Variants in AFF3 observed in about 807,000 individuals in gnomAD.
The protein encoded by AFF3 is AF4/FMR2 family member 3.
Under a neutral mutation model 129.7 loss-of-function variants are expected in AFF3, and 32 were observed. The ratio of observed to expected loss-of-function variants is 0.25; its 90% CI spans 0.19 to 0.33. The LOEUF is 0.33. Ranked by LOEUF, AFF3 falls within the 10% of genes least tolerant of loss-of-function variation. The probability of loss-of-function intolerance (pLI) is 1.00; values close to 1 mark genes in which losing one functional copy is unlikely to be tolerated. For missense variants in AFF3, 1,373 were observed against 1,592.0 expected, an observed-to-expected ratio of 0.86 and a Z score of 2.34; for synonymous variants, 644 against 635.4, an observed-to-expected ratio of 1.01 and a Z score of -0.20.
chr2:99,994,378 A>T (rs1680646600), intron 7 of AFF3, among the ~76,000 whole-genome samples: 2 of 152,162 alleles, frequency 1.3e-5, no homozygotes, highest in South Asian at 4.1e-4. Context: ...AAAAAGTGAG[A>T]CACTGTCATC....
At chr2:100,075,771 CA>C (rs2105326646) in intron 4 of AFF3, among the ~76,000 whole-genome samples, 1 of 152,268 alleles carries the variant, frequency 6.6e-6, no homozygotes, top group African/African-American at 2.4e-5. Context: ...CAAGTGATGG[CA>C]AACACAGAAT....
chr2:99,667,376 G>A (rs1402157214), intron 12 of AFF3, among the ~76,000 whole-genome samples: 1 of 152,192 alleles, frequency 6.6e-6, no homozygotes, highest in Non-Finnish European at 1.5e-5. Context: ...ATTGCTGAGA[G>A]TCAAATGTAT....
intron 4 of AFF3, among the ~76,000 whole-genome samples, chr2:100,078,178 A>G (rs1383683493): frequency 2.0e-5 from 3 of 152,234 alleles, no homozygotes; most frequent in Admixed American, 6.5e-5. Flanking sequence ...TTCATATGAC[A>G]ACATCCGTTC....
At chr2:100,083,346 C>A (rs558112475) in intron 4 of AFF3, among the ~76,000 whole-genome samples, 4 of 152,216 alleles carry the variant, frequency 2.6e-5, no homozygotes, top group South Asian at 2.1e-4. Flanking sequence ...CCCTACAGGC[C>A]CTGAGGTTTT....
intron 7 of AFF3, among the ~76,000 whole-genome samples, chr2:99,975,187 A>T (rs1012508801): frequency 6.6e-6 from 1 of 152,228 alleles, no homozygotes; most frequent in African/African-American, 2.4e-5. Flanking sequence ...CTTGACAGCC[A>T]TTGGGCAAGT....
rs147222669 is a variant in AFF3 at position 99,793,918 on chromosome 2, A to G, written c.922-41617T>C. ...TTTTCTGTTATGAACATTTAAAGCT[A>G]TAAGATTTCCTTGAAGAACTGCTCT... On this transcript the variant is annotated intron_variant, in intron 8 of 24. Coordinates refer to ENST00000672756, the MANE Select transcript of AFF3 (RefSeq NM_001386135.1). Among the ~76,000 whole-genome samples, 475 of 152,348 alleles carry G rather than the reference A, an allele frequency of 3.1e-3. 1 individual carries two copies. Among genetic ancestry groups the G allele is most frequent in the Non-Finnish European group, 5.6e-3 (383 of 68,024 alleles).
At chr2:100,072,413 C>T (rs1441771044) in intron 4 of AFF3, among the ~76,000 whole-genome samples, 1 of 152,178 alleles carries the variant, frequency 6.6e-6, no homozygotes, top group African/African-American at 2.4e-5. Flanking sequence ...CTGTCTTCCA[C>T]GAAACCGGTC....
intron 4 of AFF3, among the ~76,000 whole-genome samples, chr2:100,078,944 CTTTT>C (rs35031023): frequency 1.5e-5 from 2 of 131,204 alleles, no homozygotes; most frequent in Admixed American, 7.7e-5. Context: ...TGAATATTTT[CTTTT>C]TTTTTTTTTT....
intron 11 of AFF3, among the ~76,000 whole-genome samples, chr2:99,675,774 T>C (rs1307558081): frequency 6.6e-6 from 1 of 152,146 alleles, no homozygotes; most frequent in Non-Finnish European, 1.5e-5. Flanking sequence ...ATGGCCGCCT[T>C]CACCAAACAC....
chr2:99,795,074 A>C (rs1397959141), intron 8 of AFF3, among the ~76,000 whole-genome samples: 1 of 152,190 alleles, frequency 6.6e-6, no homozygotes, highest in Non-Finnish European at 1.5e-5. Context: ...CTAAAATGCT[A>C]ACCAGAAGAA....
At chr2:100,106,559 GGGGTGGA>G in intron 2 of AFF3, 1 of 995,644 alleles carries the variant, frequency 1.0e-6, no homozygotes. Flanking sequence ...ACAAAGGCTG[GGGGTGGA>G]GGGTGGAGGA....
chr2:99,554,378 G>T lies in AFF3; in HGVS notation c.3492C>A (p.Ile1164=). ...CGTAGCTGTGCAGGATGCTGTTGGT[G>T]ATGCTGACGTGGTTGGCCGCCATCT... The part of the protein sequence containing the change: ...IHQMAANHVS[I]TNSILHSYDY... The change falls in exon 24 of 25, where the codon ATC becomes ATA. Residue 1164 remains isoleucine (I), a synonymous_variant. Transcript: ENST00000672756. 1 of 1,614,214 alleles carries T rather than the reference G, an allele frequency of 6.2e-7. No individual in the cohort carries two copies. Among genetic ancestry groups the T allele is most frequent in the Non-Finnish European group, 8.5e-7 (1 of 1,180,052 alleles).
intron 12 of AFF3, among the ~76,000 whole-genome samples, chr2:99,651,989 T>G (rs1035738992): frequency 6.6e-6 from 1 of 152,034 alleles, no homozygotes; most frequent in African/African-American, 2.4e-5. Flanking sequence ...TCGGTACACT[T>G]TTAGAATAAC....
At chr2:100,102,222 C>A (rs1041730175) in intron 4 of AFF3, among the ~76,000 whole-genome samples, 2 of 149,842 alleles carry the variant, frequency 1.3e-5, no homozygotes, top group Admixed American at 6.6e-5. Flanking sequence ...AACATAGCAT[C>A]CAAAAATTCA....
chr2:99,802,528 T>C (rs1177918749), intron 8 of AFF3, among the ~76,000 whole-genome samples: 1 of 151,952 alleles, frequency 6.6e-6, no homozygotes, highest in Non-Finnish European at 1.5e-5. Flanking sequence ...CCAGGTGCAG[T>C]GGTGTGCGCC....
intron 4 of AFF3, among the ~76,000 whole-genome samples, chr2:100,083,904 G>A (rs1689223265): frequency 1.3e-5 from 2 of 152,090 alleles, no homozygotes; most frequent in African/African-American, 4.8e-5. Flanking sequence ...TGCTGCCCTT[G>A]TCTCAGCCTG....
intron 11 of AFF3, chr2:99,707,106 C>T (rs756443634): frequency 8.1e-6 from 8 of 985,370 alleles, no homozygotes; most frequent in Non-Finnish European, 9.6e-6. Flanking sequence ...ATTCTTACCC[C>T]GATGAAGGCT....
chr2:99,648,838 C>T (rs1005177545), intron 13 of AFF3, among the ~76,000 whole-genome samples: 1 of 150,836 alleles, frequency 6.6e-6, no homozygotes, highest in Non-Finnish European at 1.5e-5. Context: ...TGTGGAGACA[C>T]ACAGGGATTT....
At chr2:99,636,706 C>A (rs950370219) in intron 13 of AFF3, among the ~76,000 whole-genome samples, 1 of 152,186 alleles carries the variant, frequency 6.6e-6, no homozygotes, top group African/African-American at 2.4e-5. Flanking sequence ...CAAGAGGACA[C>A]GACGTGGCAG....
Sources: allele counts gnomAD v4.1 joint callset (sites outside exome capture counted in the v4.1 genomes callset), GRCh38; gene constraint gnomAD v4.1.1; transcripts MANE v1.5; gene names NCBI Gene and HGNC (gene_info 2026-07-23, HGNC 2026-07-21).